The following ARHGEF7 variants were observed in gnomAD, a reference collection of about 807,000 sequenced individuals.
ARHGEF7 encodes Rho guanine nucleotide exchange factor 7, also known as PAK-interacting exchange factor beta.
ARHGEF7 carries 33 observed loss-of-function variants against 109.8 expected under a neutral mutation model. That is an observed-to-expected ratio of 0.30 (90% CI 0.23 to 0.40). ARHGEF7 has a LOEUF of 0.40. Ranked by LOEUF, ARHGEF7 falls within the 10% of genes least tolerant of loss-of-function variation. The probability of loss-of-function intolerance (pLI) is 1.00; values close to 1 mark genes in which losing one functional copy is unlikely to be tolerated. For synonymous variants in ARHGEF7, 458 were observed against 424.6 expected (o/e 1.08, Z -0.97); for missense variants, 938 against 1,098.5 (o/e 0.85, Z 2.07).
In ARHGEF7 at chr13:111,303,171, T is replaced by C; in HGVS notation, c.*58T>C. Reference sequence around the variant, plus strand: ...GTTCTGAGGTGAAGCTGGGCACCCCTGACCCAAGTCGGGGTGCACTCAGGA... The same window carrying C: ...GTTCTGAGGTGAAGCTGGGCACCCCCGACCCAAGTCGGGGTGCACTCAGGA... On this transcript the variant is annotated 3_prime_UTR_variant, in exon 22 of 22. Transcript: ENST00000646102. 7.0e-7 allele frequency: 1 copy of C among 1,422,738 alleles called. No individual in the cohort carries two copies. The highest frequency in any genetic ancestry group is 1.2e-5 in the South Asian group (1 of 82,678). The allele number at this position is 1,422,738 out of a possible 1,614,324, so 88.1% of individuals were successfully genotyped here.
chr13:111,269,653 A>G (rs915735434), intron 9 of ARHGEF7, among the ~76,000 whole-genome samples: 15 of 151,962 alleles, frequency 9.9e-5, no homozygotes, highest in African/African-American at 2.9e-4. Context: ...GCAAGTCACC[A>G]TTGCTTTAGT....
chr13:111,289,704 A>T (rs1434408731), intron 18 of ARHGEF7, among the ~76,000 whole-genome samples: 1 of 150,788 alleles, frequency 6.6e-6, no homozygotes, highest in Non-Finnish European at 1.5e-5. Context: ...GGACTTCTCA[A>T]CTGCTTTAGC....
At chr13:111,251,300 T>G (rs992841866) in intron 8 of ARHGEF7, among the ~76,000 whole-genome samples, 2 of 152,182 alleles carry the variant, frequency 1.3e-5, no homozygotes, top group African/African-American at 4.8e-5. Flanking sequence ...GAGGTGGGCA[T>G]TGGCTGTGGC....
At chr13:111,201,048 C>G (rs186097997) in intron 2 of ARHGEF7, among the ~76,000 whole-genome samples, 1 of 152,152 alleles carries the variant, frequency 6.6e-6, no homozygotes, top group Non-Finnish European at 1.5e-5. Context: ...TGCCCTTGGT[C>G]GTCCTCCATG....
Position 111,233,189 on chromosome 13 carries a change from T to TA in ARHGEF7, c.671-15dup, listed in dbSNP as rs762000093. The TA allele has an allele frequency of 6.2e-5, 100 of 1,606,706 alleles. No homozygotes were observed. The highest frequency in any genetic ancestry group is 7.5e-5 in the Non-Finnish European group (88 of 1,173,428). On this transcript the variant is annotated splice_polypyrimidine_tract_variant and intron_variant, in intron 5 of 21. Transcript: ENST00000646102. Reference sequence around the variant, plus strand: ...TTAGTACTGATCAGTAAAACTATGTTACATTTTCATTTCAGAGAAGCCTGT... The same window carrying TA: ...TTAGTACTGATCAGTAAAACTATGTTAACATTTTCATTTCAGAGAAGCCTGT...
At chr13:111,185,564 G>A (rs75272932) in intron 2 of ARHGEF7, among the ~76,000 whole-genome samples, 15,878 of 152,276 alleles carry the variant, frequency 0.1, 1,164 homozygotes, top group Middle Eastern at 0.16. Flanking sequence ...TGGAATGGGC[G>A]CATTGCCTTT....
intron 2 of ARHGEF7, among the ~76,000 whole-genome samples, chr13:111,157,777 G>C (rs530827377): frequency 6.6e-6 from 1 of 152,136 alleles, no homozygotes; most frequent in Admixed American, 6.5e-5. Context: ...GCTACTGTAG[G>C]ATGTGTATGT....
rs550837838 is a variant in ARHGEF7, at chr13:111,121,395, A to G, written c.165+5704A>G. On this transcript the variant is annotated intron_variant, in intron 1 of 21. Coordinates refer to ENST00000646102, the MANE Select transcript of ARHGEF7 (RefSeq NM_001354046.2). ...TAGTCCAAGATTTCAAACTGTGTGC[A>G]TCTACACCACACACACTTTTAAAAT... Among the ~76,000 whole-genome samples the G allele has an allele frequency of 8.5e-5, 13 of 152,304 alleles. 2 individuals carry two copies. The South Asian group carries it at 2.3e-3, about 27-fold the overall frequency.
intron 2 of ARHGEF7, among the ~76,000 whole-genome samples, chr13:111,200,424 C>T (rs1215050911): frequency 6.6e-6 from 1 of 151,994 alleles, no homozygotes; most frequent in African/African-American, 2.4e-5. Flanking sequence ...GCTCTCTTGA[C>T]CCTGGTGCTT....
intron 1 of ARHGEF7, 115 bp from the exon 2 acceptor site, chr13:111,153,790 C>G: frequency 7.2e-7 from 1 of 1,387,648 alleles, no homozygotes. Flanking sequence ...CGTCGGGGGC[C>G]GCTCGCCAGC....
intron 19 of ARHGEF7, among the ~76,000 whole-genome samples, chr13:111,299,507 T>C (rs1289638758): frequency 6.6e-6 from 1 of 151,986 alleles, no homozygotes; most frequent in Admixed American, 6.6e-5. Flanking sequence ...CACGCCCGGC[T>C]AATTTTTTGT....
intron 1 of ARHGEF7, 67 bp from the exon 2 acceptor site, chr13:111,153,838 G>C: frequency 6.4e-7 from 1 of 1,553,830 alleles, no homozygotes. Context: ...CGTGGGCGTC[G>C]CTCGGCCTTG....
At position 111,244,249 on chromosome 13, in the gene ARHGEF7, G is replaced by T; in HGVS notation, c.905G>T (p.Cys302Phe). The T allele has an allele frequency of 6.2e-7, 1 of 1,609,890 alleles. No individual in the cohort carries two copies. Among genetic ancestry groups the T allele is most frequent in the South Asian group, 1.1e-5 (1 of 89,680 alleles). The part of the protein sequence containing the change: ...SYLMGNLEEI[C>F]SFQQMLVQSL... ...TTAATGGGAAATCTAGAAGAAATAT[G>T]TTCTTTCCAGCAAATGCTCGTACAG... The change falls in exon 8 of 22, where the codon TGT becomes TTT. Residue 302 changes from cysteine to phenylalanine, a missense_variant. Physicochemically the swap from Cys to Phe is radical, Grantham distance 205. Transcript: ENST00000646102.
At chr13:111,138,313 CA>C (rs200917915) in intron 1 of ARHGEF7, among the ~76,000 whole-genome samples, 9 of 150,616 alleles carry the variant, frequency 6.0e-5, no homozygotes, top group African/African-American at 2.2e-4. Context: ...AACTCTGTCT[CA>C]AAAAAAACAA....
intron 4 of ARHGEF7, 134 bp from the exon 5 acceptor site, chr13:111,217,545 A>G (rs2083288165): frequency 2.4e-6 from 2 of 817,770 alleles, no homozygotes; most frequent in Non-Finnish European, 3.9e-6. Context: ...GAAGGGAGGA[A>G]ACTGAAATTT....
intron 2 of ARHGEF7, among the ~76,000 whole-genome samples, chr13:111,195,503 C>T (rs535202494): frequency 1.3e-5 from 2 of 152,208 alleles, no homozygotes; most frequent in Non-Finnish European, 2.9e-5. Context: ...GAGATTAACA[C>T]TGAGAAGGCC....
chr13:111,193,774 T>G (rs1004816754), intron 2 of ARHGEF7, among the ~76,000 whole-genome samples: 7 of 152,192 alleles, frequency 4.6e-5, no homozygotes, highest in African/African-American at 1.7e-4. Flanking sequence ...GGTATACAGG[T>G]TAAGGTCAGG....
intron 5 of ARHGEF7, among the ~76,000 whole-genome samples, chr13:111,219,010 A>G (rs1286259209): frequency 2.0e-5 from 3 of 152,154 alleles, no homozygotes; most frequent in Non-Finnish European, 2.9e-5. Context: ...TTCTTATTGT[A>G]TGTATATGTA....
intron 2 of ARHGEF7, among the ~76,000 whole-genome samples, chr13:111,194,950 G>C (rs1480559262): frequency 2.0e-5 from 3 of 152,174 alleles, no homozygotes; most frequent in Non-Finnish European, 2.9e-5. Context: ...GGGTACAACT[G>C]GATATAGAGG....
Sources: gnomAD v4.1 joint callset for allele counts (sites outside exome capture counted in the v4.1 genomes callset) on GRCh38, gnomAD v4.1.1 for gene constraint, MANE v1.5 for transcripts, NCBI Gene and HGNC (gene_info 2026-07-23, HGNC 2026-07-21) for gene names.